MKLN1: variants seen among roughly 807,000 people sequenced by gnomAD.
MKLN1 encodes muskelin 1.
MKLN1 carries 18 observed loss-of-function variants against 99.0 expected under a neutral mutation model. The observed-to-expected ratio is 0.18, with a 90% CI of 0.13 to 0.27. MKLN1 has a LOEUF of 0.27. Among genes scored for constraint, MKLN1 ranks in the 10% least tolerant of loss-of-function variants. The probability of loss-of-function intolerance (pLI) is 1.00; values close to 1 mark genes in which losing one functional copy is unlikely to be tolerated. For synonymous variants in MKLN1, 288 were observed against 293.2 expected (o/e 0.98, Z 0.18); for missense variants, 621 against 875.9 (o/e 0.71, Z 3.67).
intron 8 of MKLN1, among the ~76,000 whole-genome samples, chr7:131,427,245 A>G (rs1193024181): frequency 6.6e-6 from 1 of 152,202 alleles, no homozygotes; most frequent in Non-Finnish European, 1.5e-5. Flanking sequence ...GTTTGAAATT[A>G]TATGCAGATA....
Position 131,479,440 on chromosome 7 carries a change from G to A in MKLN1, c.2086+763G>A, listed in dbSNP as rs117357755. ...AGCTACCTAGGAGGTTGAAGTGGGA[G>A]GATCACTTGAGCCCAGGAGGTAGAG... is the stretch of plus-strand genomic sequence containing the variant. On this transcript the variant is annotated intron_variant, in intron 17 of 17. Coordinates refer to ENST00000352689, the MANE Select transcript of MKLN1 (RefSeq NM_013255.5). Among the ~76,000 whole-genome samples the A allele has an allele frequency of 3.2e-4, 48 of 152,240 alleles. No homozygotes were observed. The East Asian group carries it at 6.6e-3, about 21-fold the overall frequency.
At chr7:131,333,813 C>T (rs568132600) in intron 1 of MKLN1, among the ~76,000 whole-genome samples, 2 of 152,280 alleles carry the variant, frequency 1.3e-5, no homozygotes, top group South Asian at 4.1e-4. Context: ...GTTGGGATTA[C>T]AGCCACCACA....
intron 1 of MKLN1, among the ~76,000 whole-genome samples, chr7:131,332,769 CT>C (rs967313376): frequency 6.7e-6 from 1 of 149,492 alleles, no homozygotes; most frequent in African/African-American, 2.5e-5. Flanking sequence ...TATTTTTTTT[CT>C]TTTTTTTTAA....
At chr7:131,254,838 T>C (rs1450289424) in intron 3 of MKLN1, among the ~76,000 whole-genome samples, 1 of 151,826 alleles carries the variant, frequency 6.6e-6, no homozygotes, top group Non-Finnish European at 1.5e-5. Flanking sequence ...CATAATGGGG[T>C]TACCAGAAGA....
intron 4 of MKLN1, among the ~76,000 whole-genome samples, chr7:131,389,205 C>T (rs1277360209): frequency 2.0e-5 from 3 of 152,120 alleles, no homozygotes; most frequent in Non-Finnish European, 4.4e-5. Flanking sequence ...TGGTCCTTTA[C>T]AGGAGAAGTT....
chr7:131,355,429 CCAGG>C (rs1799843812), intron 1 of MKLN1, among the ~76,000 whole-genome samples: 1 of 151,366 alleles, frequency 6.6e-6, no homozygotes, highest in South Asian at 2.1e-4. Flanking sequence ...TGCATTTTTT[CCAGG>C]TTTACTTATA....
At chr7:131,153,274 T>C (rs1795915859) in intron 2 of MKLN1, among the ~76,000 whole-genome samples, 1 of 152,200 alleles carries the variant, frequency 6.6e-6, no homozygotes, top group South Asian at 2.1e-4. Flanking sequence ...TAATTTGAAC[T>C]CATTCATTGA....
chr7:131,418,107 G>A (rs1261814257), intron 8 of MKLN1, among the ~76,000 whole-genome samples: 3 of 152,234 alleles, frequency 2.0e-5, no homozygotes, highest in East Asian at 3.9e-4. Context: ...GGTGGCTCAC[G>A]CCTGTAATCC....
intron 1 of MKLN1, among the ~76,000 whole-genome samples, chr7:131,343,509 A>G (rs976731658): frequency 2.6e-5 from 4 of 152,136 alleles, no homozygotes; most frequent in South Asian, 4.1e-4. Context: ...TACTGTTCCA[A>G]AGTCACTTGC....
intron 16 of MKLN1, among the ~76,000 whole-genome samples, chr7:131,473,777 C>T (rs572286945): frequency 6.6e-6 from 1 of 152,332 alleles, no homozygotes; most frequent in Admixed American, 6.5e-5. Flanking sequence ...AACAAGATCC[C>T]TGCCCAGGAG....
chr7:131,177,311 C>CA (rs1328059310), intron 2 of MKLN1, among the ~76,000 whole-genome samples: 2 of 151,738 alleles, frequency 1.3e-5, no homozygotes, highest in Non-Finnish European at 2.9e-5. Flanking sequence ...ACTGAAAATA[C>CA]AAAAAAATTA....
chr7:131,177,889 TG>T (rs1430275322), intron 2 of MKLN1, among the ~76,000 whole-genome samples: 5 of 152,222 alleles, frequency 3.3e-5, no homozygotes, highest in Non-Finnish European at 5.9e-5. Flanking sequence ...AGTCCAGGAC[TG>T]GTATAGTAGC....
intron 3 of MKLN1, among the ~76,000 whole-genome samples, chr7:131,249,279 G>T (rs1028801526): frequency 3.3e-5 from 5 of 152,218 alleles, no homozygotes; most frequent in Non-Finnish European, 7.3e-5. Flanking sequence ...GATAGCCAGA[G>T]CTGAGCTGGG....
intron 9 of MKLN1, among the ~76,000 whole-genome samples, chr7:131,432,541 G>T (rs1047256025): frequency 6.6e-6 from 1 of 152,026 alleles, no homozygotes; most frequent in African/African-American, 2.4e-5. Context: ...TCCGCCTCCC[G>T]GGTTCAAGCA....
chr7:131,342,236 C>A (rs907714371), intron 1 of MKLN1, among the ~76,000 whole-genome samples: 3 of 151,608 alleles, frequency 2.0e-5, no homozygotes, highest in African/African-American at 7.3e-5. Context: ...GGAAAGTGAT[C>A]ATTTGGGATT....
chr7:131,416,356 T>C (rs946704746), intron 8 of MKLN1, among the ~76,000 whole-genome samples: 1 of 152,164 alleles, frequency 6.6e-6, no homozygotes, highest in Admixed American at 6.5e-5. Flanking sequence ...AAAATTTTCC[T>C]CTTTTTATAA....
intron 3 of MKLN1, among the ~76,000 whole-genome samples, chr7:131,306,329 G>A (rs1239279814): frequency 2.0e-5 from 3 of 152,244 alleles, no homozygotes; most frequent in African/African-American, 7.2e-5. Context: ...AAGTGACTTT[G>A]GAACTGGATT....
chr7:131,159,071 G>GT (rs1178260316), intron 2 of MKLN1, among the ~76,000 whole-genome samples: 15 of 152,290 alleles, frequency 9.8e-5, no homozygotes, highest in Admixed American at 7.2e-4. Context: ...TGGCACACCT[G>GT]TAGTCCTAGC....
At chr7:131,346,641 C>A (rs886695597) in intron 1 of MKLN1, among the ~76,000 whole-genome samples, 3 of 152,130 alleles carry the variant, frequency 2.0e-5, no homozygotes, top group African/African-American at 4.8e-5. Context: ...CATAGATTTT[C>A]AAAATTAATT....
Sources: allele counts gnomAD v4.1 joint callset (sites outside exome capture counted in the v4.1 genomes callset), GRCh38; gene constraint gnomAD v4.1.1; transcripts MANE v1.5; gene names NCBI Gene and HGNC (gene_info 2026-07-23, HGNC 2026-07-21).